The following DPYD variants were observed in gnomAD, a reference collection of about 807,000 sequenced individuals.
DPYD encodes the protein dihydropyrimidine dehydrogenase, also known as dihydropyrimidine dehydrogenase [NADP(+)].
A neutral mutation model predicts 116.2 loss-of-function variants in DPYD; 109 were observed. The ratio of observed to expected loss-of-function variants is 0.94; its 90% confidence interval spans 0.80 to 1.10. DPYD has a LOEUF of 1.10. Among genes scored for constraint, DPYD ranks in the 50% least tolerant of loss-of-function variants. The probability of loss-of-function intolerance (pLI) is 0.00; values close to 1 mark genes in which losing one functional copy is unlikely to be tolerated. For missense variants in DPYD, 1,302 were observed against 1,254.5 expected, an observed-to-expected ratio of 1.04 and a Z score of -0.57; for synonymous variants, 440 against 432.0, an observed-to-expected ratio of 1.02 and a Z score of -0.23.
At position 97,921,032 on chromosome 1, in the gene DPYD, A is replaced by C. The variant is rs534300645; in HGVS notation, c.-110T>G. 1.1e-5 allele frequency: 15 copies of C among 1,387,736 alleles called. No homozygotes were observed. Among genetic ancestry groups the C allele is most frequent in the South Asian group, 2.5e-5 (2 of 79,518 alleles). The allele number at this position is 1,387,736 out of a possible 1,614,324, so 86.0% of individuals were successfully genotyped here. A position where few individuals can be genotyped will look rare whatever the true frequency, so the allele number is the denominator to read the frequency against. On this transcript the variant is annotated 5_prime_UTR_variant, in exon 1 of 23. Coordinates refer to ENST00000370192, the MANE Select transcript of DPYD (RefSeq NM_000110.4). ...CGGAGCGCGAGTCGAAAACAGGCAGACTAGGGCCGGCGGCGCGGGGGCGGA... is the reference window on the plus strand; with the variant it reads ...CGGAGCGCGAGTCGAAAACAGGCAGCCTAGGGCCGGCGGCGCGGGGGCGGA...
At chr1:97,791,803 A>T (rs191845226) in intron 3 of DPYD, among the ~76,000 whole-genome samples, 2 of 152,342 alleles carry the variant, frequency 1.3e-5, no homozygotes, top group African/African-American at 4.8e-5. Context: ...TGTGCACTCA[A>T]ATATTTAGCT....
chr1:97,282,689 T>C (rs1046566028), intron 18 of DPYD, among the ~76,000 whole-genome samples: 4 of 152,064 alleles, frequency 2.6e-5, no homozygotes, highest in Non-Finnish European at 5.9e-5. Context: ...TAGTTAATCA[T>C]CATAGGTAGT....
intron 14 of DPYD, among the ~76,000 whole-genome samples, chr1:97,407,122 A>C (rs186157164): frequency 1.2e-4 from 19 of 152,336 alleles, no homozygotes; most frequent in Non-Finnish European, 2.1e-4. Flanking sequence ...TCTAAATTAA[A>C]AAGGTTAATA....
intron 3 of DPYD, among the ~76,000 whole-genome samples, chr1:97,793,126 T>C (rs1369250064): frequency 2.6e-5 from 4 of 152,222 alleles, no homozygotes; most frequent in South Asian, 2.1e-4. Flanking sequence ...TATAGTGTAC[T>C]GTCTCTGCTA....
chr1:97,381,138 T>A (rs1019062012), intron 15 of DPYD, among the ~76,000 whole-genome samples: 1 of 152,202 alleles, frequency 6.6e-6, no homozygotes, highest in Non-Finnish European at 1.5e-5. Flanking sequence ...TTCTTTCTTT[T>A]TTTTCTTTCT....
intron 8 of DPYD, among the ~76,000 whole-genome samples, chr1:97,639,976 T>C (rs1370652525): frequency 2.6e-5 from 4 of 152,156 alleles, no homozygotes; most frequent in Admixed American, 6.6e-5. Flanking sequence ...ACTGAAACAA[T>C]GGGGCAGAAA....
chr1:97,181,737 A>G (rs1218622083), intron 20 of DPYD, among the ~76,000 whole-genome samples: 2 of 152,186 alleles, frequency 1.3e-5, no homozygotes, highest in African/African-American at 4.8e-5. Flanking sequence ...TTACCCATAT[A>G]TTTTGGAAAT....
chr1:97,741,411 C>A (rs1024095306), intron 3 of DPYD, among the ~76,000 whole-genome samples: 1 of 152,102 alleles, frequency 6.6e-6, no homozygotes, highest in African/African-American at 2.4e-5. Flanking sequence ...TGATAAATGG[C>A]ACAGACTTCA....
chr1:97,577,842 TTAA>T (rs1020309685), intron 10 of DPYD, among the ~76,000 whole-genome samples: 1 of 151,608 alleles, frequency 6.6e-6, no homozygotes, highest in Non-Finnish European at 1.5e-5. Context: ...TTTTAATTAA[TTAA>T]TTAATTAATT....
chr1:97,285,283 G>A (rs943696331), intron 18 of DPYD, among the ~76,000 whole-genome samples: 7 of 152,264 alleles, frequency 4.6e-5, no homozygotes, highest in African/African-American at 1.4e-4. Context: ...CTGCTTGCTC[G>A]CAGAAACGAA....
intron 1 of DPYD, among the ~76,000 whole-genome samples, chr1:97,917,781 G>A (rs1674290712): frequency 6.6e-6 from 1 of 152,182 alleles, no homozygotes. Flanking sequence ...GCTTGCTGCA[G>A]CTGCATACAT....
chr1:97,315,406 A>G (rs950601828), intron 16 of DPYD, among the ~76,000 whole-genome samples: 1 of 151,868 alleles, frequency 6.6e-6, no homozygotes. Context: ...CTACTGGGCT[A>G]GCAAAGACTT....
intron 18 of DPYD, among the ~76,000 whole-genome samples, chr1:97,297,590 T>C (rs183602045): frequency 1.3e-5 from 2 of 152,254 alleles, no homozygotes; most frequent in East Asian, 1.9e-4. Flanking sequence ...CTCCAAATCA[T>C]TGATTATCTC....
intron 2 of DPYD, among the ~76,000 whole-genome samples, chr1:97,829,761 T>A (rs192226663): frequency 3.3e-5 from 5 of 152,124 alleles, no homozygotes; most frequent in Non-Finnish European, 5.9e-5. Flanking sequence ...ATTTCTTTTT[T>A]TTTTAATTAT....
intron 19 of DPYD, among the ~76,000 whole-genome samples, chr1:97,213,592 G>C (rs1286635467): frequency 6.6e-6 from 1 of 152,142 alleles, no homozygotes; most frequent in East Asian, 1.9e-4. Context: ...TGGTCAGATT[G>C]ACCTGCCAGA....
At chr1:97,431,045 A>T (rs1442080034) in intron 14 of DPYD, among the ~76,000 whole-genome samples, 1 of 152,068 alleles carries the variant, frequency 6.6e-6, no homozygotes, top group African/African-American at 2.4e-5. Flanking sequence ...ACAATTAATT[A>T]ATTTATTTTT....
chr1:97,637,951 T>C (rs989427478), intron 8 of DPYD, among the ~76,000 whole-genome samples: 1 of 152,136 alleles, frequency 6.6e-6, no homozygotes, highest in East Asian at 1.9e-4. Context: ...ATGCAATACG[T>C]TGTGCCCAGC....
At chr1:97,486,852 C>T (rs36028550) in intron 13 of DPYD, among the ~76,000 whole-genome samples, 8,901 of 151,782 alleles carry the variant, frequency 0.059, 312 homozygotes, top group Middle Eastern at 0.15. Flanking sequence ...TATTTCTAAA[C>T]ATAAATACAG....
At chr1:97,224,742 C>T (rs1661001616) in intron 19 of DPYD, among the ~76,000 whole-genome samples, 1 of 151,184 alleles carries the variant, frequency 6.6e-6, no homozygotes, top group South Asian at 2.1e-4. Flanking sequence ...TTAGATTCCA[C>T]ATATAAGAGA....
Sources: gnomAD v4.1 joint callset for allele counts (sites outside exome capture counted in the v4.1 genomes callset) on GRCh38, gnomAD v4.1.1 for gene constraint, MANE v1.5 for transcripts, NCBI Gene and HGNC (gene_info 2026-07-23, HGNC 2026-07-21) for gene names.